EPB41L3: variants seen among roughly 807,000 people sequenced by gnomAD.
The protein encoded by EPB41L3 is band 4.1-like protein 3.
In EPB41L3, 57 loss-of-function variants were observed where a neutral mutation model predicts 127.1. That is an observed-to-expected ratio of 0.45 (90% CI 0.36 to 0.56). The LOEUF is 0.56. Ranked by LOEUF, EPB41L3 falls within the 20% of genes least tolerant of loss-of-function variation. EPB41L3 has a pLI of 0.00. For synonymous variants in EPB41L3, 572 were observed against 549.5 expected, an observed-to-expected ratio of 1.04 and a Z score of -0.57; for missense variants, 1,273 against 1,372.2, an observed-to-expected ratio of 0.93 and a Z score of 1.14.
At chr18:5,413,501 G>C (rs948124450) in intron 13 of EPB41L3, among the ~76,000 whole-genome samples, 10 of 152,210 alleles carry the variant, frequency 6.6e-5, no homozygotes, top group African/African-American at 2.4e-4. Flanking sequence ...TTAATTAGTA[G>C]TGACTTGGCA....
chr18:5,417,144 C>T (rs903286537), intron 12 of EPB41L3, among the ~76,000 whole-genome samples: 2 of 152,212 alleles, frequency 1.3e-5, no homozygotes, highest in Non-Finnish European at 2.9e-5. Context: ...TTGTAACATG[C>T]TTTGCCAGTA....
rs746065810 is a variant in EPB41L3 at position 5,416,396 on chromosome 18, G to A, written c.1507-18C>T. The A allele has an allele frequency of 3.2e-6, 5 of 1,586,432 alleles. No individual in the cohort carries two copies. Among genetic ancestry groups the A allele is most frequent in the South Asian group, 2.3e-5 (2 of 87,814 alleles). The stretch of plus-strand genomic sequence containing the variant: ...CCAGGTGACTGATGTGAAAGAGACA[G>A]AAAGAGACAGAAAGCAGCAAACAGA... On this transcript the variant is annotated intron_variant, in intron 12 of 22. Transcript: ENST00000341928.
At chr18:5,394,343 C>G (rs1015251499) in intron 22 of EPB41L3, 2 of 188,730 alleles carry the variant, frequency 1.1e-5, no homozygotes, top group Non-Finnish European at 2.2e-5. Context: ...GGCCACATGG[C>G]AAGTAAAATC....
At chr18:5,408,590 A>T (rs1385145292) in intron 14 of EPB41L3, among the ~76,000 whole-genome samples, 1 of 151,742 alleles carries the variant, frequency 6.6e-6, no homozygotes, top group African/African-American at 2.4e-5. Flanking sequence ...TCTTGAATGT[A>T]TATAGTTAAA....
chr18:5,394,442 T>C (rs1175203101), intron 22 of EPB41L3: 3 of 453,954 alleles, frequency 6.6e-6, no homozygotes, highest in Non-Finnish European at 1.2e-5. Context: ...CATAGAAGCA[T>C]AGACTCTGCT....
At chr18:5,590,029 C>T (rs955018886) in intron 3 of EPB41L3, among the ~76,000 whole-genome samples, 7 of 152,102 alleles carry the variant, frequency 4.6e-5, no homozygotes, top group East Asian at 3.8e-4. Context: ...AAATTTGAAT[C>T]GGAAATAAAA....
chr18:5,495,413 A>C (rs1237682647), intron 1 of EPB41L3, among the ~76,000 whole-genome samples: 2 of 140,310 alleles, frequency 1.4e-5, no homozygotes, highest in Non-Finnish European at 3.0e-5. Flanking sequence ...AAAAAAAAAA[A>C]AAAAACTAAA....
chr18:5,590,635 C>T (rs1404656981), intron 3 of EPB41L3, among the ~76,000 whole-genome samples: 1 of 151,898 alleles, frequency 6.6e-6, no homozygotes, highest in African/African-American at 2.4e-5. Flanking sequence ...TTAATAATTG[C>T]CAAAAGTTGG....
chr18:5,495,490 A>G (rs112860986), intron 1 of EPB41L3, among the ~76,000 whole-genome samples: 27 of 152,194 alleles, frequency 1.8e-4, no homozygotes, highest in African/African-American at 6.3e-4. Flanking sequence ...AGGTTACCTC[A>G]AGAAGCAAGC....
At chr18:5,586,430 T>C (rs2094442711) in intron 3 of EPB41L3, among the ~76,000 whole-genome samples, 1 of 151,278 alleles carries the variant, frequency 6.6e-6, no homozygotes, top group Admixed American at 6.6e-5. Flanking sequence ...AATAGGGTCT[T>C]GCTCTGTCAT....
chr18:5,479,395 T>A (rs1404923932), intron 2 of EPB41L3, among the ~76,000 whole-genome samples: 1 of 152,244 alleles, frequency 6.6e-6, no homozygotes, highest in African/African-American at 2.4e-5. Context: ...GTACATACTA[T>A]CAGCCCTTAC....
chr18:5,608,441 G>A (rs554866077), intron 3 of EPB41L3, among the ~76,000 whole-genome samples: 67 of 152,280 alleles, frequency 4.4e-4, no homozygotes, highest in African/African-American at 1.6e-3. Flanking sequence ...ACATGAGCAC[G>A]CACATCATAC....
intron 8 of EPB41L3, among the ~76,000 whole-genome samples, chr18:5,429,901 C>T (rs533271828): frequency 8.5e-5 from 13 of 152,218 alleles, no homozygotes; most frequent in South Asian, 8.3e-4. Context: ...AATCTGTCTG[C>T]GCCACCACTC....
chr18:5,457,779 G>T lies in EPB41L3; in HGVS notation c.382-12535C>A, dbSNP rs773496724. On this transcript the variant is annotated intron_variant, in intron 3 of 22. Transcript: ENST00000341928. ...GAGGAGACTGTACACACACCTCCACGCCCCGAAGCCTTCTACCCGTTCGTC... is the reference window on the plus strand; with the variant it reads ...GAGGAGACTGTACACACACCTCCACTCCCCGAAGCCTTCTACCCGTTCGTC... 2.0e-5 allele frequency among the ~76,000 whole-genome samples: 3 copies of T among 152,022 alleles called. No individual in the cohort carries two copies. In the East Asian group the frequency reaches 5.8e-4, roughly 29 times the overall value.
chr18:5,458,766 G>A (rs575574007), intron 3 of EPB41L3, among the ~76,000 whole-genome samples: 3 of 152,264 alleles, frequency 2.0e-5, no homozygotes, highest in South Asian at 4.1e-4. Context: ...CATATTTAGC[G>A]GACTAACAGT....
chr18:5,437,362 G>A (rs779568350), intron 6 of EPB41L3, among the ~76,000 whole-genome samples: 12 of 152,102 alleles, frequency 7.9e-5, no homozygotes, highest in African/African-American at 1.9e-4. Context: ...CCTGACCTGC[G>A]GGCACCCTGA....
chr18:5,599,849 A>G (rs1300310912), intron 3 of EPB41L3, among the ~76,000 whole-genome samples: 1 of 152,140 alleles, frequency 6.6e-6, no homozygotes, highest in African/African-American at 2.4e-5. Context: ...ATAGCACTGC[A>G]TGGATTCATA....
chr18:5,561,125 C>A (rs1224012560), intron 3 of EPB41L3, among the ~76,000 whole-genome samples: 9 of 149,454 alleles, frequency 6.0e-5, no homozygotes, highest in East Asian at 5.9e-4. Context: ...CTACAGGCGC[C>A]CGCCACTACG....
chr18:5,515,370 C>CT (rs546449140), intron 1 of EPB41L3, among the ~76,000 whole-genome samples: 2 of 152,144 alleles, frequency 1.3e-5, no homozygotes, highest in South Asian at 4.1e-4. Context: ...CAACCATTTG[C>CT]TATGAACAAG....
Sources: gnomAD v4.1 joint callset for allele counts (sites outside exome capture counted in the v4.1 genomes callset) on GRCh38, gnomAD v4.1.1 for gene constraint, MANE v1.5 for transcripts, NCBI Gene and HGNC (gene_info 2026-07-23, HGNC 2026-07-21) for gene names.